Variants in SGCZ observed in about 807,000 individuals in gnomAD.
SGCZ encodes sarcoglycan zeta.
Under a neutral mutation model 41.3 loss-of-function variants are expected in SGCZ, and 40 were observed. The observed-to-expected ratio is 0.97, with a 90% CI of 0.75 to 1.26. SGCZ has a LOEUF of 1.26. Ranked by LOEUF, SGCZ falls within the 50% of genes most tolerant of loss-of-function variation. The probability of loss-of-function intolerance (pLI) is 0.00; values close to 1 mark genes in which losing one functional copy is unlikely to be tolerated. For synonymous variants in SGCZ, 206 were observed against 137.5 expected, an observed-to-expected ratio of 1.50 and a Z score of -3.49; for missense variants, 552 against 369.8, an observed-to-expected ratio of 1.49 and a Z score of -4.04.
chr8:15,086,347 G>A (rs912797091), intron 1 of SGCZ, among the ~76,000 whole-genome samples: 2 of 152,082 alleles, frequency 1.3e-5, no homozygotes, highest in African/African-American at 4.8e-5. Flanking sequence ...AAGACCATTC[G>A]CATACCTTAT....
chr8:14,258,669 A>G (rs1345927842), intron 3 of SGCZ, among the ~76,000 whole-genome samples: 1 of 152,168 alleles, frequency 6.6e-6, no homozygotes, highest in East Asian at 1.9e-4. Context: ...TAATATACAA[A>G]TTTTACTGGA....
intron 5 of SGCZ, among the ~76,000 whole-genome samples, chr8:14,116,079 G>A (rs976636195): frequency 6.6e-6 from 1 of 151,780 alleles, no homozygotes; most frequent in African/African-American, 2.4e-5. Flanking sequence ...TGCTTTCTAT[G>A]GAAAATAAAA....
chr8:14,475,716 T>C (rs1354097959), intron 2 of SGCZ, among the ~76,000 whole-genome samples: 1 of 152,296 alleles, frequency 6.6e-6, no homozygotes, highest in Admixed American at 6.5e-5. Flanking sequence ...TCTGAAGCAA[T>C]TCCAAATTAA....
chr8:14,844,857 A>C (rs540181076), intron 1 of SGCZ, among the ~76,000 whole-genome samples: 3 of 152,186 alleles, frequency 2.0e-5, no homozygotes, highest in African/African-American at 7.2e-5. Flanking sequence ...GAAAGACTGG[A>C]AACATACAAT....
At position 14,224,414 on chromosome 8, in the gene SGCZ, A is replaced by G. The variant is rs544424567; in HGVS notation, c.424+13178T>C. Among the ~76,000 whole-genome samples the G allele has an allele frequency of 3.9e-5, 6 of 152,254 alleles. No homozygotes were observed. In the East Asian group the frequency reaches 1.2e-3, roughly 29 times the overall value. ...GGGCAGACATAGAGGGAATATCTCT[A>G]GCTCTGAAGGTGAAAGGGATGCAGC... On this transcript the variant is annotated intron_variant, in intron 4 of 7. Transcript: ENST00000382080.
intron 1 of SGCZ, among the ~76,000 whole-genome samples, chr8:15,050,071 G>C (rs1277421583): frequency 6.6e-6 from 1 of 152,098 alleles, no homozygotes; most frequent in Admixed American, 6.6e-5. Context: ...TGTGTAAAGG[G>C]GGAGAATGTA....
Position 15,120,395 on chromosome 8 carries a change from A to C in SGCZ, c.39+117190T>G, listed in dbSNP as rs74585528. On this transcript the variant is annotated intron_variant, in intron 1 of 7. Transcript: ENST00000382080. The stretch of plus-strand genomic sequence containing the variant: ...ATTTTCCCCCAACACTTAGAAATAT[A>C]GCTCAGCTTGGGGCTACATTTTCGT... 2.0e-3 allele frequency among the ~76,000 whole-genome samples: 301 copies of C among 152,368 alleles called. 2 individuals carry two copies. The highest frequency in any genetic ancestry group is 7.0e-3 in the African/African-American group (291 of 41,586).
rs117882333 is a variant in SGCZ, at chr8:14,313,657, G to A, written c.336+10446C>T. 7.7e-3 allele frequency among the ~76,000 whole-genome samples: 1,178 copies of A among 152,102 alleles called. 9 individuals are homozygous for A. The highest frequency in any genetic ancestry group is 0.027 in the South Asian group (128 of 4,818). Reference sequence around the variant, plus strand: ...GGCTGGTCTGATAACTCTTAACACTGGATGACACTGTTATATTAGATTATT... The same window carrying A: ...GGCTGGTCTGATAACTCTTAACACTAGATGACACTGTTATATTAGATTATT... On this transcript the variant is annotated intron_variant, in intron 3 of 7. Coordinates refer to ENST00000382080, the MANE Select transcript of SGCZ (RefSeq NM_139167.4).
At chr8:14,796,817 C>T (rs73533026) in intron 1 of SGCZ, among the ~76,000 whole-genome samples, 8,679 of 152,096 alleles carry the variant, frequency 0.057, 514 homozygotes, top group African/African-American at 0.15. Context: ...CTGAATCATG[C>T]GTTGGTTTCG....
At chr8:14,737,537 T>C (rs1364522581) in intron 1 of SGCZ, among the ~76,000 whole-genome samples, 2 of 152,130 alleles carry the variant, frequency 1.3e-5, no homozygotes, top group East Asian at 1.9e-4. Flanking sequence ...AAAATGGCAC[T>C]GAGTGTGTGG....
At chr8:15,116,433 T>C (rs969892835) in intron 1 of SGCZ, among the ~76,000 whole-genome samples, 2 of 152,214 alleles carry the variant, frequency 1.3e-5, no homozygotes, top group Non-Finnish European at 2.9e-5. Context: ...ATACTCAATA[T>C]ATCCCAATGA....
chr8:14,358,418 C>T (rs1803372786), intron 2 of SGCZ, among the ~76,000 whole-genome samples: 1 of 152,064 alleles, frequency 6.6e-6, no homozygotes, highest in Admixed American at 6.6e-5. Flanking sequence ...CATCAATCAT[C>T]TCATTACGTA....
At chr8:15,094,340 G>A (rs1257305375) in intron 1 of SGCZ, among the ~76,000 whole-genome samples, 2 of 151,970 alleles carry the variant, frequency 1.3e-5, no homozygotes, top group African/African-American at 4.8e-5. Context: ...TCACCATGTT[G>A]GCCAGGCTGA....
chr8:15,030,613 G>A (rs1209697903), intron 1 of SGCZ, among the ~76,000 whole-genome samples: 3 of 152,152 alleles, frequency 2.0e-5, no homozygotes, highest in Non-Finnish European at 4.4e-5. Flanking sequence ...TCGTTAAGTG[G>A]AGTATTTGTT....
rs1801475005 is a variant in SGCZ at position 14,309,937 on chromosome 8, T to C, written c.336+14166A>G. On this transcript the variant is annotated intron_variant, in intron 3 of 7. Transcript: ENST00000382080. ...TCCCCAGAATCCATAAATGTGTTCC[T>C]GGCCCACTCTGTAATAGTTCAGTAG... Among the ~76,000 whole-genome samples, 3 of 152,080 alleles carry C rather than the reference T, an allele frequency of 2.0e-5. No homozygotes were observed. In the South Asian group the frequency reaches 6.2e-4, roughly 31 times the overall value.
At chr8:15,206,515 T>A (rs957245533) in intron 1 of SGCZ, among the ~76,000 whole-genome samples, 3 of 148,314 alleles carry the variant, frequency 2.0e-5, no homozygotes, top group African/African-American at 7.4e-5. Flanking sequence ...CATGGCACCA[T>A]CTTGGCTCAC....
chr8:14,204,558 G>T (rs1034533362), intron 4 of SGCZ, among the ~76,000 whole-genome samples: 7 of 152,092 alleles, frequency 4.6e-5, no homozygotes, highest in Non-Finnish European at 1.0e-4. Context: ...TTGAGAGCTG[G>T]TAAAGCATTA....
At chr8:14,695,752 T>C (rs971466570) in intron 1 of SGCZ, among the ~76,000 whole-genome samples, 1 of 151,780 alleles carries the variant, frequency 6.6e-6, no homozygotes, top group Non-Finnish European at 1.5e-5. Context: ...CATGCATATC[T>C]AAGGGCACAA....
At chr8:14,644,975 A>G (rs2117439478) in intron 1 of SGCZ, among the ~76,000 whole-genome samples, 1 of 150,438 alleles carries the variant, frequency 6.6e-6, no homozygotes, top group Admixed American at 6.7e-5. Context: ...CTCCAACGTT[A>G]CTCGTTAGAC....
Sources: gnomAD v4.1 joint callset for allele counts (sites outside exome capture counted in the v4.1 genomes callset) on GRCh38, gnomAD v4.1.1 for gene constraint, MANE v1.5 for transcripts, NCBI Gene and HGNC (gene_info 2026-07-23, HGNC 2026-07-21) for gene names.